The following UGT1A4 variants were observed in gnomAD, a reference collection of about 807,000 sequenced individuals.
The protein encoded by UGT1A4 is UDP glucuronosyltransferase family 1 member A4, also known as UDP-glucuronosyltransferase 1A4.
UGT1A4 carries 32 observed loss-of-function variants against 41.1 expected under a neutral mutation model. The ratio of observed to expected loss-of-function variants is 0.78; its 90% CI spans 0.59 to 1.05. The LOEUF is 1.05. UGT1A4 is among the 50% of genes least tolerant of loss of function. UGT1A4 has a pLI of 0.00. For synonymous variants in UGT1A4, 283 were observed against 265.1 expected (o/e 1.07, Z -0.66); for missense variants, 748 against 677.4 (o/e 1.10, Z -1.16).
intron 4 of UGT1A4, chr2:233,771,329 T>A (rs751904173): frequency 3.9e-5 from 6 of 152,320 alleles, no homozygotes; most frequent in Middle Eastern, 6.8e-3. Flanking sequence ...TTCAATCTCC[T>A]CTTCATTCCT....
At chr2:233,750,456 A>G (rs1220214854) in intron 1 of UGT1A4, among the ~76,000 whole-genome samples, 2 of 151,996 alleles carry the variant, frequency 1.3e-5, no homozygotes, top group Non-Finnish European at 2.9e-5. Flanking sequence ...CAAACCAGCT[A>G]CAGAAATACT....
At chr2:233,743,501 G>T (rs1559387094) in intron 1 of UGT1A4, 1 of 1,367,188 alleles carries the variant, frequency 7.3e-7, no homozygotes, top group Non-Finnish European at 9.8e-7. Flanking sequence ...GAGAAAAGGG[G>T]TGCAGACGCT....
At chr2:233,733,973 G>A (rs2078462378) in intron 1 of UGT1A4, among the ~76,000 whole-genome samples, 1 of 152,034 alleles carries the variant, frequency 6.6e-6, no homozygotes, top group African/African-American at 2.4e-5. Flanking sequence ...GGGGGAGCGG[G>A]GAGGGATAGC....
chr2:233,729,091 G>C (rs745755811), intron 1 of UGT1A4: 70 of 1,612,484 alleles, frequency 4.3e-5, no homozygotes, highest in Non-Finnish European at 5.1e-5. Flanking sequence ...GGCACAGCGT[G>C]GGGTGGACAG....
chr2:233,725,566 C>A (rs559123427), intron 1 of UGT1A4, among the ~76,000 whole-genome samples: 1 of 152,004 alleles, frequency 6.6e-6, no homozygotes, highest in East Asian at 1.9e-4. Flanking sequence ...AACATATATT[C>A]GATATAAGAT....
chr2:233,741,869 C>T (rs992161093), intron 1 of UGT1A4: 4 of 151,862 alleles, frequency 2.6e-5, no homozygotes, highest in African/African-American at 7.3e-5. Flanking sequence ...CAAACCTTTC[C>T]TCAGAGGTGA....
At chr2:233,747,965 T>C (rs1575687176) in intron 1 of UGT1A4, 2 of 1,613,472 alleles carry the variant, frequency 1.2e-6, no homozygotes, top group Non-Finnish European at 1.7e-6. Flanking sequence ...TTCTCAGCCA[T>C]GCATCTGTGT....
chr2:233,763,077 G>C (rs1318326063), intron 1 of UGT1A4, among the ~76,000 whole-genome samples: 1 of 152,214 alleles, frequency 6.6e-6, no homozygotes, highest in Non-Finnish European at 1.5e-5. Context: ...TTCTTTGCGT[G>C]AGGATGTTTG....
At chr2:233,743,874 A>T in intron 1 of UGT1A4, 1 of 1,367,118 alleles carries the variant, frequency 7.3e-7, no homozygotes, top group Non-Finnish European at 9.8e-7. Context: ...GCCTCGGATG[A>T]GGCCTGCCGG....
At chr2:233,722,169 C>T (rs923427551) in intron 1 of UGT1A4, 1 of 158,144 alleles carries the variant, frequency 6.3e-6, no homozygotes, top group Admixed American at 6.4e-5. Flanking sequence ...CACCTGGAGA[C>T]CTTTGCCATG....
chr2:233,740,373 A>C (rs1691376932), intron 1 of UGT1A4, among the ~76,000 whole-genome samples: 2 of 151,912 alleles, frequency 1.3e-5, no homozygotes, highest in Non-Finnish European at 2.9e-5. Context: ...CTAGAAAGGT[A>C]AGTTGTTGTG....
intron 1 of UGT1A4, chr2:233,743,914 C>G (rs201448352): frequency 1.5e-6 from 2 of 1,364,518 alleles, no homozygotes; most frequent in Non-Finnish European, 2.0e-6. Context: ...AGTAGTCCAC[C>G]ATGCTGGATG....
intron 1 of UGT1A4, among the ~76,000 whole-genome samples, chr2:233,736,630 T>C (rs2078786520): frequency 1.3e-5 from 2 of 152,252 alleles, no homozygotes; most frequent in African/African-American, 4.8e-5. Flanking sequence ...TTTTCTGCTC[T>C]AGTTTCCCCC....
Position 233,772,346 on chromosome 2 carries a change from G to C in UGT1A4, c.1392G>C (p.Glu464Asp), listed in dbSNP as rs115944950. ...TGGACCTGGCCGTGTTCTGGGTGGA[G>C]TTTGTGATGAGGCACAAGGGCGCGC... ...EPLDLAVFWVEFVMRHKGAPH... is the reference protein window; with the variant it reads ...EPLDLAVFWVDFVMRHKGAPH... Residue 464 changes from glutamate (E) to aspartate (D), a missense_variant, in exon 5 of 5, where the codon GAG (glutamate) becomes GAC (aspartate). Coordinates refer to ENST00000373409, the MANE Select transcript of UGT1A4 (RefSeq NM_007120.3). 30 of 1,614,132 alleles carry C rather than the reference G, an allele frequency of 1.9e-5. No individual in the cohort carries two copies. In the East Asian group the frequency reaches 6.5e-4, roughly 35 times the overall value.
chr2:233,755,331 G>T, intron 1 of UGT1A4: 2 of 462,216 alleles, frequency 4.3e-6, no homozygotes, highest in South Asian at 1.9e-5. Context: ...GCCAGCACCC[G>T]CGCACAGGTC....
rs942942748 is a variant in UGT1A4, at chr2:233,747,245, G to A, written c.868-19789G>A. 1.9e-6 allele frequency: 3 copies of A among 1,602,546 alleles called. No individual in the cohort carries two copies. In the African/African-American group the frequency reaches 4.0e-5, roughly 22 times the overall value. On this transcript the variant is annotated intron_variant, in intron 1 of 4. Transcript: ENST00000373409. ...ACAGGACCCCAGGTTCCCCTGCTGT[G>A]GCTGGCCACAGGAGTGCTACTCCTT... is the stretch of plus-strand genomic sequence containing the variant.
intron 1 of UGT1A4, among the ~76,000 whole-genome samples, chr2:233,762,105 C>G (rs879435361): frequency 5.9e-5 from 9 of 151,972 alleles, no homozygotes; most frequent in African/African-American, 2.2e-4. Context: ...GTTGATTGTC[C>G]GCTTCACATC....
chr2:233,747,477 T>G lies in UGT1A4; in HGVS notation c.868-19557T>G, dbSNP rs1368203969. 4 of 1,608,578 alleles carry G rather than the reference T, an allele frequency of 2.5e-6. No homozygotes were observed. In the Admixed American group the frequency reaches 6.7e-5, roughly 27 times the overall value. Reference sequence around the variant, plus strand: ...TGCCATTTCATGGACCCAGGATGAATTTGATCGCCTTGTGCTGGGCCACAC... The same window carrying G: ...TGCCATTTCATGGACCCAGGATGAAGTTGATCGCCTTGTGCTGGGCCACAC... On this transcript the variant is annotated intron_variant, in intron 1 of 4. Transcript: ENST00000373409.
intron 1 of UGT1A4, chr2:233,748,039 T>C (rs999910080): frequency 2.4e-4 from 393 of 1,613,376 alleles, no homozygotes; most frequent in South Asian, 8.0e-4. Context: ...ATGGTCTTCA[T>C]TGGGGGCATC....
Sources: allele counts gnomAD v4.1 joint callset (sites outside exome capture counted in the v4.1 genomes callset), GRCh38; gene constraint gnomAD v4.1.1; transcripts MANE v1.5; gene names NCBI Gene and HGNC (gene_info 2026-07-23, HGNC 2026-07-21).